Variants in CCDC178 observed in about 807,000 individuals in gnomAD.
CCDC178 encodes the protein coiled-coil domain-containing protein 178.
A neutral mutation model predicts 117.4 loss-of-function variants in CCDC178; 126 were observed. The ratio of observed to expected loss-of-function variants is 1.07; its 90% confidence interval spans 0.93 to 1.24. CCDC178 has a LOEUF of 1.24. Ranked by LOEUF, CCDC178 falls within the 50% of genes most tolerant of loss-of-function variation. CCDC178 has a pLI of 0.00. For missense variants in CCDC178, 1,030 were observed against 986.9 expected (o/e 1.04, Z -0.59); for synonymous variants, 283 against 313.4 (o/e 0.90, Z 1.02).
chr18:33,376,869 T>C (rs2063374275), intron 5 of CCDC178, among the ~76,000 whole-genome samples: 3 of 152,222 alleles, frequency 2.0e-5, no homozygotes, highest in African/African-American at 7.2e-5. Context: ...ACACCTAGAT[T>C]GATTCTATGT....
At chr18:33,033,843 A>G (rs537467057) in intron 21 of CCDC178, among the ~76,000 whole-genome samples, 1 of 151,900 alleles carries the variant, frequency 6.6e-6, no homozygotes, top group Non-Finnish European at 1.5e-5. Flanking sequence ...TTTTCAAATT[A>G]TATGTTCATT....
intron 20 of CCDC178, among the ~76,000 whole-genome samples, chr18:33,093,765 C>G (rs2057502701): frequency 6.6e-6 from 1 of 151,662 alleles, no homozygotes; most frequent in Non-Finnish European, 1.5e-5. Context: ...ATTTTCAAAC[C>G]TGTTAATCCA....
Position 33,092,797 on chromosome 18 carries a change from C to T in CCDC178, c.2352G>A (p.Gln784=), listed in dbSNP as rs760053646. The T allele has an allele frequency of 6.5e-7, 1 of 1,543,146 alleles. No homozygotes were observed. Among genetic ancestry groups the T allele is most frequent in the Non-Finnish European group, 8.9e-7 (1 of 1,127,626 alleles). Residue 784 remains glutamine, a synonymous_variant, in exon 21 of 23, where the codon CAG becomes CAA. Coordinates refer to ENST00000383096, the MANE Select transcript of CCDC178 (RefSeq NM_001105528.4). The stretch of plus-strand genomic sequence containing the variant: ...CTCTAATTGAAGTATCAAGTGATAG[C>T]TGTTTATCATATATATTGAAATAAT... ...KDNYFNIYDK[Q]LSLDTSIRDK...
chr18:33,187,114 A>AGAGAGAGAGAGAGAGC lies in CCDC178; in HGVS notation c.2238+24781_2238+24782insGCTCTCTCTCTCTCTC, dbSNP rs60923129. The stretch of plus-strand genomic sequence containing the variant: ...GAGAGAGAGAGAGAGAGAGAGAGAG[A>AGAGAGAGAGAGAGAGC]GACTGAGAGAGAGAACTGCCAAACA... On this transcript the variant is annotated intron_variant, in intron 20 of 22. Coordinates refer to ENST00000383096, the MANE Select transcript of CCDC178 (RefSeq NM_001105528.4). Among the ~76,000 whole-genome samples, 183 of 150,300 alleles carry AGAGAGAGAGAGAGAGC rather than the reference A, an allele frequency of 1.2e-3. 2 individuals carry two copies. Among genetic ancestry groups the AGAGAGAGAGAGAGAGC allele is most frequent in the African/African-American group, 3.9e-3 (157 of 40,614 alleles).
At position 33,224,820 on chromosome 18, in the gene CCDC178, T is replaced by G; in HGVS notation, c.1773A>C (p.Glu591Asp). ...AELQEPLLQL[E>D]DEAERIRSLD... Reference sequence around the variant, plus strand: ...GACTTCTGATTCTTTCAGCTTCATCTTCTAGTTGAAGCAGAGGTTCCTGTA... The same window carrying G: ...GACTTCTGATTCTTTCAGCTTCATCGTCTAGTTGAAGCAGAGGTTCCTGTA... Residue 591 changes from glutamate to aspartate, a missense_variant, in exon 17 of 23, where the codon GAA (glutamate) becomes GAC (aspartate). Transcript: ENST00000383096. 1 of 1,554,840 alleles carries G rather than the reference T, an allele frequency of 6.4e-7. No homozygotes were observed. The highest frequency in any genetic ancestry group is 8.7e-7 in the Non-Finnish European group (1 of 1,148,816).
At chr18:33,241,896 T>C (rs1337921000) in intron 15 of CCDC178, among the ~76,000 whole-genome samples, 1 of 151,794 alleles carries the variant, frequency 6.6e-6, no homozygotes, top group Non-Finnish European at 1.5e-5. Flanking sequence ...AAATATGTTC[T>C]TAATAGAAAA....
intron 20 of CCDC178, among the ~76,000 whole-genome samples, chr18:33,189,774 C>T (rs952628781): frequency 1.3e-5 from 2 of 152,122 alleles, no homozygotes; most frequent in Admixed American, 6.6e-5. Flanking sequence ...ATTATCAACT[C>T]GGTTTAGTTG....
Position 33,101,317 on chromosome 18 carries a change from C to T in CCDC178, c.2239-8407G>A, listed in dbSNP as rs143470466. Among the ~76,000 whole-genome samples the T allele has an allele frequency of 8.3e-3, 1,261 of 151,454 alleles. 11 individuals carry two copies. The highest frequency in any genetic ancestry group is 0.011 in the Non-Finnish European group (740 of 67,830). ...TTTTAAAAGTCTGCTCCTCTTTTCA[C>T]GGCATCATGTGAAAGGCTGAACAAC... is the stretch of plus-strand genomic sequence containing the variant. On this transcript the variant is annotated intron_variant, in intron 20 of 22. Transcript: ENST00000383096.
At chr18:33,134,790 G>C (rs2058105956) in intron 20 of CCDC178, among the ~76,000 whole-genome samples, 1 of 151,994 alleles carries the variant, frequency 6.6e-6, no homozygotes, top group Non-Finnish European at 1.5e-5. Context: ...ATGAAAGATT[G>C]AGTTTTCACA....
intron 20 of CCDC178, among the ~76,000 whole-genome samples, chr18:33,127,996 T>G (rs1256545272): frequency 6.6e-6 from 1 of 152,164 alleles, no homozygotes; most frequent in African/African-American, 2.4e-5. Context: ...GGGGCAGTTA[T>G]GAATTTCAAG....
chr18:33,172,634 C>T (rs2058616638), intron 20 of CCDC178, among the ~76,000 whole-genome samples: 1 of 152,058 alleles, frequency 6.6e-6, no homozygotes, highest in Admixed American at 6.5e-5. Flanking sequence ...TCTCATATAA[C>T]CCTGGTGCTT....
Position 32,985,738 on chromosome 18 carries a change from T to C in CCDC178, c.2389-11057A>G, listed in dbSNP as rs74769619. The stretch of plus-strand genomic sequence containing the variant: ...AATGATTAATATAAATGGAATACTA[T>C]TGACTCATATTAAGGAAACTACAGA... On this transcript the variant is annotated intron_variant, in intron 21 of 22. Transcript: ENST00000383096. 9.3e-3 allele frequency among the ~76,000 whole-genome samples: 1,414 copies of C among 152,144 alleles called. 23 individuals are homozygous for C. Among genetic ancestry groups the C allele is most frequent in the African/African-American group, 0.033 (1,358 of 41,554 alleles).
intron 20 of CCDC178, among the ~76,000 whole-genome samples, chr18:33,141,453 GACCAAGGCCTTGGAAAAGACAAA>G (rs1161177527): frequency 6.6e-6 from 1 of 152,132 alleles, no homozygotes; most frequent in Non-Finnish European, 1.5e-5. Flanking sequence ...TGGCTGGGGA[GACCAAGGCCTTGGAAAAGACAAA>G]ACCAAAAGCT....
Position 33,138,444 on chromosome 18 carries a change from C to T in CCDC178, c.2239-45534G>A, listed in dbSNP as rs546848022. The stretch of plus-strand genomic sequence containing the variant: ...CACTTCCCAGTCTTTTCGTCAGTGC[C>T]GCCTCCATACAACAGTAGTAAGACA... On this transcript the variant is annotated intron_variant, in intron 20 of 22. Transcript: ENST00000383096. 1.9e-4 allele frequency among the ~76,000 whole-genome samples: 29 copies of T among 152,146 alleles called. No individual in the cohort carries two copies. The East Asian group carries it at 2.3e-3, about 12-fold the overall frequency.
chr18:32,978,546 T>C (rs1458381012), intron 21 of CCDC178, among the ~76,000 whole-genome samples: 2 of 152,206 alleles, frequency 1.3e-5, no homozygotes, highest in African/African-American at 4.8e-5. Flanking sequence ...CAACTTGAAC[T>C]GATAAAAGTT....
chr18:33,167,399 C>T (rs1051028471), intron 20 of CCDC178, among the ~76,000 whole-genome samples: 21 of 152,164 alleles, frequency 1.4e-4, no homozygotes, highest in Non-Finnish European at 2.9e-4. Flanking sequence ...TAAGTATTCC[C>T]TTTTCTCCAC....
chr18:33,084,818 A>G (rs2057352562), intron 21 of CCDC178, among the ~76,000 whole-genome samples: 1 of 151,884 alleles, frequency 6.6e-6, no homozygotes, highest in Non-Finnish European at 1.5e-5. Flanking sequence ...CTCAAAAAAA[A>G]AAAAAAGAAA....
intron 20 of CCDC178, among the ~76,000 whole-genome samples, chr18:33,195,746 A>G (rs1431672372): frequency 2.0e-5 from 3 of 152,308 alleles, no homozygotes; most frequent in South Asian, 4.1e-4. Context: ...ACACAAGGCT[A>G]TATTTCTATA....
chr18:33,218,105 C>G (rs1253991871), intron 18 of CCDC178, among the ~76,000 whole-genome samples: 1 of 152,006 alleles, frequency 6.6e-6, no homozygotes, highest in African/African-American at 2.4e-5. Context: ...CATTATAAGA[C>G]AAACATTTAA....
Sources: allele counts gnomAD v4.1 joint callset (sites outside exome capture counted in the v4.1 genomes callset), GRCh38; gene constraint gnomAD v4.1.1; transcripts MANE v1.5; gene names NCBI Gene and HGNC (gene_info 2026-07-23, HGNC 2026-07-21).